Variants in TEX30 observed in about 807,000 individuals in gnomAD.
The protein encoded by TEX30 is testis expressed 30, also known as testis-expressed protein 30.
TEX30 carries 14 observed loss-of-function variants against 23.8 expected under a neutral mutation model. That is an observed-to-expected ratio of 0.59 (90% CI 0.39 to 0.92). TEX30 has a LOEUF of 0.92. Ranked by LOEUF, TEX30 falls within the 40% of genes least tolerant of loss-of-function variation. The pLI is 0.00. For missense variants in TEX30, 246 were observed against 270.6 expected (o/e 0.91, Z 0.64); for synonymous variants, 78 against 90.2 (o/e 0.87, Z 0.76).
intron 4 of TEX30, among the ~76,000 whole-genome samples, chr13:102,767,850 C>T (rs1223216500): frequency 6.6e-6 from 1 of 152,030 alleles, no homozygotes; most frequent in Non-Finnish European, 1.5e-5. Flanking sequence ...GAGGTGGAGG[C>T]TGCAGTGAGC....
Position 102,766,361 on chromosome 13 carries a change from A to C in TEX30, c.*40T>G, listed in dbSNP as rs777380084. Reference sequence around the variant, plus strand: ...GCTGAGAGGCATACTCTTCTTTATCAAATTAACTGTATGTGTACTCAAGAT... The same window carrying C: ...GCTGAGAGGCATACTCTTCTTTATCCAATTAACTGTATGTGTACTCAAGAT... On this transcript the variant is annotated 3_prime_UTR_variant, in exon 6 of 6. Transcript: ENST00000376032. 2.0e-5 allele frequency: 30 copies of C among 1,534,726 alleles called. No homozygotes were observed. The highest frequency in any genetic ancestry group is 2.4e-5 in the Non-Finnish European group (27 of 1,121,108).
chr13:102,769,373 G>A lies in TEX30; in HGVS notation c.184C>T (p.Leu62=). ...SHLASHGFFC[L]RFTCKGLNIV... is the part of the protein sequence containing the mutation. ...TTAAGGCCTTTACAGGTAAATCTCA[G>A]GCAGAAAAACCCATGAGATGCAAGA... is the stretch of plus-strand genomic sequence containing the variant. The change falls in exon 3 of 6, where the codon CTG becomes TTG. Residue 62 remains leucine (L), a synonymous_variant. Transcript: ENST00000376032. The A allele has an allele frequency of 1.9e-6, 3 of 1,604,550 alleles. No individual in the cohort carries two copies. The highest frequency in any genetic ancestry group is 1.1e-5 in the South Asian group (1 of 88,196).
chr13:102,766,224 CAG>C lies in TEX30; in HGVS notation c.*175_*176del. On this transcript the variant is annotated 3_prime_UTR_variant, in exon 6 of 6. Transcript: ENST00000376032. The stretch of plus-strand genomic sequence containing the variant: ...TTACATCATCTTTATACAACTGTAA[CAG>C]TGCTTTCAAAAGACATTTTGTGAAG... The C allele has an allele frequency of 4.0e-6, 2 of 494,842 alleles. No individual in the cohort carries two copies. Among genetic ancestry groups the C allele is most frequent in the Non-Finnish European group, 7.0e-6 (2 of 287,550 alleles). 30.7% of individuals were successfully genotyped at this position (494,842 alleles called of 1,614,324 possible).
chr13:102,773,297 C>A (rs1459996033), intron 1 of TEX30, among the ~76,000 whole-genome samples: 1 of 152,094 alleles, frequency 6.6e-6, no homozygotes, highest in African/African-American at 2.4e-5. Context: ...CGGCGGCGCT[C>A]GGGGCACGGG....
intron 2 of TEX30, 93 bp downstream of exon 2, chr13:102,769,919 G>T: frequency 1.7e-6 from 2 of 1,143,290 alleles, no homozygotes; most frequent in South Asian, 2.4e-5. Context: ...CTCCCACAGT[G>T]AAAGTTGAAA....
At chr13:102,768,237 G>A in intron 4 of TEX30, 23 bp downstream of exon 4, 1 of 1,560,604 alleles carries the variant, frequency 6.4e-7, no homozygotes, top group Non-Finnish European at 8.7e-7. Flanking sequence ...TAATTAACAA[G>A]TATTCACAAG....
intron 3 of TEX30, 112 bp from the exon 4 acceptor site, chr13:102,768,423 A>G (rs1216146013): frequency 2.0e-5 from 15 of 735,092 alleles, no homozygotes; most frequent in Non-Finnish European, 1.9e-5. Flanking sequence ...TGCAAAGATA[A>G]CCAGAAAATC....
In TEX30 at chr13:102,773,735, A is replaced by T. The variant is rs182905792; in HGVS notation, c.-114T>A. The stretch of plus-strand genomic sequence containing the variant: ...CCAACCGCCGTCACTCCCTTCAGGG[A>T]GCTGACTAGCGCGCTCGAAGCGACC... On this transcript the variant is annotated 5_prime_UTR_variant, in exon 1 of 6. Coordinates refer to ENST00000376032, the MANE Select transcript of TEX30 (RefSeq NM_138779.5). 2.0e-5 allele frequency: 3 copies of T among 152,140 alleles called. No individual in the cohort carries two copies. In the East Asian group the frequency reaches 5.8e-4, roughly 30 times the overall value. The allele number at this position is 152,140 out of a possible 1,614,324, so 9.4% of individuals were successfully genotyped here. A position where few individuals can be genotyped will look rare whatever the true frequency, so the allele number is the denominator to read the frequency against.
At chr13:102,769,843 G>T in intron 2 of TEX30, 169 bp downstream of exon 2, 2 of 558,216 alleles carry the variant, frequency 3.6e-6, no homozygotes, top group Non-Finnish European at 5.8e-6. Flanking sequence ...ATAGCCGCTA[G>T]CTAGGATTTA....
rs538501864 is a variant in TEX30, at chr13:102,771,715, G to A, written c.-60-1629C>T. Among the ~76,000 whole-genome samples, 3 of 152,296 alleles carry A rather than the reference G, an allele frequency of 2.0e-5. No individual in the cohort carries two copies. In the South Asian group the frequency reaches 6.2e-4, roughly 32 times the overall value. ...GGGTTTCTCAGTTCAAAGATCCTCTGTTTTACTTTCTCAAGAGAATAAGCC... is the reference window on the plus strand; with the variant it reads ...GGGTTTCTCAGTTCAAAGATCCTCTATTTTACTTTCTCAAGAGAATAAGCC... On this transcript the variant is annotated intron_variant, in intron 1 of 5. Transcript: ENST00000376032.
chr13:102,766,892 T>A (rs1876927787), intron 5 of TEX30, among the ~76,000 whole-genome samples: 1 of 152,230 alleles, frequency 6.6e-6, no homozygotes, highest in African/African-American at 2.4e-5. Context: ...AGTTGTTTCA[T>A]AATATTGGGC....
chr13:102,767,179 T>G, intron 5 of TEX30, 94 bp downstream of exon 5: 1 of 1,332,230 alleles, frequency 7.5e-7, no homozygotes, highest in Non-Finnish European at 1.0e-6. Flanking sequence ...AATTAGCAAT[T>G]TTTAAAAGAC....
Position 102,767,290 on chromosome 13 carries a change from C to T in TEX30, c.487G>A (p.Asp163Asn). ...EPVLFVSGSA[D>N]EMCEKNLLEK... ...TAATTCACCTTTTCACACATTTCAT[C>T]TGCTGAGCCTGACACAAACAGTACA... is the stretch of plus-strand genomic sequence containing the variant. The change falls in exon 5 of 6, where the codon GAT becomes AAT. Residue 163 changes from aspartate to asparagine, a missense_variant. Coordinates refer to ENST00000376032, the MANE Select transcript of TEX30 (RefSeq NM_138779.5). The T allele has an allele frequency of 6.2e-7, 1 of 1,613,660 alleles. No individual in the cohort carries two copies. Among genetic ancestry groups the T allele is most frequent in the Non-Finnish European group, 8.5e-7 (1 of 1,179,898 alleles).
chr13:102,766,384 G>C lies in TEX30; in HGVS notation c.*17C>G. Reference sequence around the variant, plus strand: ...TCAAATTAACTGTATGTGTACTCAAGATAACATGGCTTTTAACTAATGACA... The same window carrying C: ...TCAAATTAACTGTATGTGTACTCAACATAACATGGCTTTTAACTAATGACA... On this transcript the variant is annotated 3_prime_UTR_variant, in exon 6 of 6. Coordinates refer to ENST00000376032, the MANE Select transcript of TEX30 (RefSeq NM_138779.5). 6.2e-7 allele frequency: 1 copy of C among 1,607,518 alleles called. No individual in the cohort carries two copies. The highest frequency in any genetic ancestry group is 8.5e-7 in the Non-Finnish European group (1 of 1,175,300).
intron 1 of TEX30, among the ~76,000 whole-genome samples, chr13:102,773,305 G>A (rs1167209398): frequency 6.6e-6 from 1 of 152,084 alleles, no homozygotes; most frequent in African/African-American, 2.4e-5. Flanking sequence ...CTCGGGGCAC[G>A]GGATCCGTTC....
intron 1 of TEX30, 50 bp from the exon 2 acceptor site, chr13:102,770,136 A>T: frequency 1.5e-6 from 1 of 645,620 alleles, no homozygotes; most frequent in Non-Finnish European, 2.3e-6. Flanking sequence ...CATGGATATG[A>T]CACAAAAACT....
rs1877188542 is a variant in TEX30, at chr13:102,769,804, A to G, written c.15+208T>C. ...TATCCCCATTTTATAGATAAGGCAC[A>G]GCAGATTAAGTAACTTGCCCAAGGT... On this transcript the variant is annotated intron_variant, in intron 2 of 5. Transcript: ENST00000376032. 7.6e-6 allele frequency: 4 copies of G among 526,134 alleles called. No homozygotes were observed. The South Asian group carries it at 1.4e-4, about 18-fold the overall frequency. The allele number at this position is 526,134 out of a possible 1,614,324, so 32.6% of individuals were successfully genotyped here.
chr13:102,768,038 G>A (rs552912620), intron 4 of TEX30, among the ~76,000 whole-genome samples: 38 of 152,288 alleles, frequency 2.5e-4, no homozygotes, highest in African/African-American at 7.9e-4. Context: ...TGATGATTCA[G>A]GGATATGAAT....
chr13:102,766,735 C>T (rs970914217), intron 5 of TEX30, among the ~76,000 whole-genome samples, 155 bp from the exon 6 acceptor site: 1 of 152,108 alleles, frequency 6.6e-6, no homozygotes, highest in Non-Finnish European at 1.5e-5. Flanking sequence ...AGGAAATGTC[C>T]GTAAAAGTGG....
Sources: gnomAD v4.1 joint callset for allele counts (sites outside exome capture counted in the v4.1 genomes callset) on GRCh38, gnomAD v4.1.1 for gene constraint, MANE v1.5 for transcripts, NCBI Gene and HGNC (gene_info 2026-07-23, HGNC 2026-07-21) for gene names.